GRM7: variants seen among roughly 807,000 people sequenced by gnomAD.
The protein encoded by GRM7 is glutamate metabotropic receptor 7, also known as metabotropic glutamate receptor 7.
GRM7 carries 35 observed loss-of-function variants against 84.5 expected under a neutral mutation model. The ratio of observed to expected loss-of-function variants is 0.41; its 90% CI spans 0.32 to 0.55. The LOEUF (loss-of-function observed/expected upper bound fraction) is 0.55. Among genes scored for constraint, GRM7 ranks in the 20% least tolerant of loss-of-function variants. The pLI, the probability that GRM7 is intolerant of heterozygous loss-of-function variation, is 0.19. For synonymous variants in GRM7, 487 were observed against 455.1 expected (o/e 1.07, Z -0.89); for missense variants, 1,003 against 1,194.6 (o/e 0.84, Z 2.36).
rs112610977 is a variant in GRM7, at chr3:6,949,978, T to C, written c.519+88071T>C. Among the ~76,000 whole-genome samples, 1,020 of 152,314 alleles carry C rather than the reference T, an allele frequency of 6.7e-3. 12 individuals are homozygous for C. The highest frequency in any genetic ancestry group is 0.023 in the African/African-American group (957 of 41,564). ...TCGTCTAATTTTTTTTCAAAGTTTT[T>C]AATTTCTTTGCCGTTGGTTCGAACT... On this transcript the variant is annotated intron_variant, in intron 1 of 9. Coordinates refer to ENST00000357716, the MANE Select transcript of GRM7 (RefSeq NM_000844.4).
At chr3:7,539,453 G>A (rs1692744326) in intron 7 of GRM7, among the ~76,000 whole-genome samples, 1 of 151,428 alleles carries the variant, frequency 6.6e-6, no homozygotes, top group Non-Finnish European at 1.5e-5. Context: ...GAGGTGGGTG[G>A]ATCATGAGGT....
At chr3:7,255,317 C>T (rs1482383197) in intron 2 of GRM7, among the ~76,000 whole-genome samples, 1 of 152,200 alleles carries the variant, frequency 6.6e-6, no homozygotes, top group Non-Finnish European at 1.5e-5. Flanking sequence ...TAAATCTCAT[C>T]TTGACTAATC....
At chr3:7,228,788 C>A (rs6804494) in intron 2 of GRM7, among the ~76,000 whole-genome samples, 137,046 of 152,250 alleles carry the variant, frequency 0.9, 61,947 homozygotes, top group East Asian at 1. Flanking sequence ...TAACATTTCC[C>A]TTTATTTGCT....
intron 1 of GRM7, among the ~76,000 whole-genome samples, chr3:6,999,280 TCA>T (rs1259135489): frequency 2.0e-5 from 3 of 152,156 alleles, no homozygotes; most frequent in African/African-American, 7.2e-5. Context: ...TGAGAACACC[TCA>T]GCATGGACTT....
At chr3:7,229,749 ATATATATATATTTT>A (rs1559514657) in intron 2 of GRM7, among the ~76,000 whole-genome samples, 1,875 of 33,590 alleles carry the variant, frequency 0.056, 145 homozygotes, top group Non-Finnish European at 0.082. Context: ...ATATATATAT[ATATATATATATTTT>A]TTTTTTTTTT....
Position 6,920,555 on chromosome 3 carries a change from C to CA in GRM7, c.519+58663dup, listed in dbSNP as rs35421703. On this transcript the variant is annotated intron_variant, in intron 1 of 9. Transcript: ENST00000357716. Reference sequence around the variant, plus strand: ...TGGGCAACAGAGTGAGACTCCATGTCAAAAAAAAAAAAAAATGATGATTGA... The same window carrying CA: ...TGGGCAACAGAGTGAGACTCCATGTCAAAAAAAAAAAAAAAATGATGATTGA... 6.6e-3 allele frequency among the ~76,000 whole-genome samples: 938 copies of CA among 141,520 alleles called. 8 individuals carry two copies. Among genetic ancestry groups the CA allele is most frequent in the East Asian group, 0.032 (151 of 4,740 alleles). The allele number at this position is 141,520 out of a possible 152,430, so 92.8% of individuals were successfully genotyped here. A position where few individuals can be genotyped will look rare whatever the true frequency, so the allele number is the denominator to read the frequency against.
chr3:7,111,477 A>C (rs1230065159), intron 1 of GRM7, among the ~76,000 whole-genome samples: 5 of 152,140 alleles, frequency 3.3e-5, no homozygotes, highest in Admixed American at 3.3e-4. Context: ...GATTCAAATT[A>C]TAAAGAGGCA....
In GRM7 at chr3:7,670,567, T is replaced by A. The variant is rs1460635380; in HGVS notation, c.2452-9482T>A. Reference sequence around the variant, plus strand: ...CAAGAAATGCTTAGGACATTTGCTTTTTAACTATTTATTTGACATCAGTGT... The same window carrying A: ...CAAGAAATGCTTAGGACATTTGCTTATTAACTATTTATTTGACATCAGTGT... On this transcript the variant is annotated intron_variant, in intron 8 of 9. Transcript: ENST00000357716. 3.9e-5 allele frequency among the ~76,000 whole-genome samples: 6 copies of A among 152,226 alleles called. No homozygotes were observed. The East Asian group carries it at 1.2e-3, about 29-fold the overall frequency.
intron 8 of GRM7, among the ~76,000 whole-genome samples, chr3:7,632,371 T>C (rs1697895136): frequency 1.3e-5 from 2 of 152,196 alleles, no homozygotes; most frequent in Non-Finnish European, 2.9e-5. Flanking sequence ...GCATATGTAC[T>C]AAGAACCCTT....
intron 1 of GRM7, among the ~76,000 whole-genome samples, chr3:6,994,996 G>T (rs2124864322): frequency 6.6e-6 from 1 of 152,124 alleles, no homozygotes; most frequent in East Asian, 1.9e-4. Context: ...CACATGACTG[G>T]CTTTGGCTAA....
chr3:7,537,252 C>T (rs1701277333), intron 7 of GRM7, among the ~76,000 whole-genome samples: 1 of 152,144 alleles, frequency 6.6e-6, no homozygotes, highest in Non-Finnish European at 1.5e-5. Context: ...TTCTTCTTTC[C>T]TCCCTTTTAT....
chr3:6,947,575 A>T (rs1048612204), intron 1 of GRM7, among the ~76,000 whole-genome samples: 9 of 152,200 alleles, frequency 5.9e-5, no homozygotes, highest in Non-Finnish European at 1.2e-4. Flanking sequence ...TCATAAAATG[A>T]GTTAGGGAGG....
At chr3:7,404,717 A>G (rs1032274190) in intron 4 of GRM7, among the ~76,000 whole-genome samples, 2 of 152,084 alleles carry the variant, frequency 1.3e-5, no homozygotes, top group Non-Finnish European at 2.9e-5. Flanking sequence ...GATCTTGTCC[A>G]TCTCTTCCAA....
intron 2 of GRM7, among the ~76,000 whole-genome samples, chr3:7,235,435 A>G (rs1697319250): frequency 6.6e-6 from 1 of 152,174 alleles, no homozygotes; most frequent in Non-Finnish European, 1.5e-5. Flanking sequence ...ACCACCAATA[A>G]GGAATTTTCT....
intron 1 of GRM7, among the ~76,000 whole-genome samples, chr3:7,027,941 C>G (rs1696040342): frequency 6.6e-6 from 1 of 152,140 alleles, no homozygotes; most frequent in African/African-American, 2.4e-5. Flanking sequence ...TCGCCAGGTA[C>G]TTAGCCTCAA....
intron 1 of GRM7, among the ~76,000 whole-genome samples, chr3:6,877,733 A>G (rs1312780080): frequency 6.6e-6 from 1 of 152,072 alleles, no homozygotes; most frequent in African/African-American, 2.4e-5. Context: ...AATTTCCTCA[A>G]TTAAAAAATT....
chr3:7,047,507 C>T (rs750551352), intron 1 of GRM7, among the ~76,000 whole-genome samples: 1 of 152,040 alleles, frequency 6.6e-6, no homozygotes, highest in Non-Finnish European at 1.5e-5. Context: ...TGTCTTGCCC[C>T]AGGCCACACA....
At chr3:7,086,050 ATT>A (rs34683719) in intron 1 of GRM7, among the ~76,000 whole-genome samples, 2 of 151,610 alleles carry the variant, frequency 1.3e-5, no homozygotes, top group African/African-American at 2.4e-5. Flanking sequence ...TGCAAAAATT[ATT>A]TTTTTTTGAA....
chr3:7,108,479 C>T (rs762844275), intron 1 of GRM7, among the ~76,000 whole-genome samples: 11 of 148,818 alleles, frequency 7.4e-5, no homozygotes, highest in African/African-American at 2.7e-4. Context: ...CTTTACAGTA[C>T]CTTGGACTCA....
Sources: allele counts gnomAD v4.1 joint callset (sites outside exome capture counted in the v4.1 genomes callset), GRCh38; gene constraint gnomAD v4.1.1; transcripts MANE v1.5; gene names NCBI Gene and HGNC (gene_info 2026-07-23, HGNC 2026-07-21).